The following RALYL variants were observed in gnomAD, a reference collection of about 807,000 sequenced individuals.
The protein encoded by RALYL is RALY RNA binding protein like.
Under a neutral mutation model 35.1 loss-of-function variants are expected in RALYL, and 29 were observed. The ratio of observed to expected loss-of-function variants is 0.83; its 90% CI spans 0.61 to 1.13. The LOEUF (loss-of-function observed/expected upper bound fraction) is 1.13. RALYL is among the 50% of genes most tolerant of loss of function. The pLI, the probability that RALYL is intolerant of heterozygous loss-of-function variation, is 0.00. For missense variants in RALYL, 359 were observed against 360.4 expected (o/e 1.00, Z 0.03); for synonymous variants, 120 against 127.6 (o/e 0.94, Z 0.40).
intron 2 of RALYL, 70 bp from the exon 3 acceptor site, chr8:84,774,509 G>A: frequency 1.0e-6 from 1 of 991,044 alleles, no homozygotes; most frequent in South Asian, 1.5e-5. Flanking sequence ...AAAAATAAAA[G>A]TTCATGATTT....
intron 5 of RALYL, among the ~76,000 whole-genome samples, chr8:84,859,477 A>G (rs148649651): frequency 2.8e-4 from 42 of 152,222 alleles, no homozygotes; most frequent in African/African-American, 8.9e-4. Context: ...TATCACATTA[A>G]AATATTTAAG....
At chr8:84,876,059 T>C (rs555078375) in intron 7 of RALYL, among the ~76,000 whole-genome samples, 1 of 152,270 alleles carries the variant, frequency 6.6e-6, no homozygotes, top group African/African-American at 2.4e-5. Context: ...TCCTAAGCTC[T>C]CAGTACATTA....
rs551513582 is a variant in RALYL, at chr8:84,431,441, G to A, written c.-23-97858G>A. On this transcript the variant is annotated intron_variant, in intron 1 of 8. Coordinates refer to ENST00000521268, the MANE Select transcript of RALYL (RefSeq NM_173848.7). ...GGAAACGCAAATGAAACTACAGCGA[G>A]TTATCACCCCACACTTGTTAGGATG... Among the ~76,000 whole-genome samples, 7 of 152,150 alleles carry A rather than the reference G, an allele frequency of 4.6e-5. No homozygotes were observed. In the East Asian group the frequency reaches 1.4e-3, roughly 29 times the overall value.
Position 84,564,193 on chromosome 8 carries a change from T to C in RALYL, c.256+34616T>C, listed in dbSNP as rs532715855. On this transcript the variant is annotated intron_variant, in intron 2 of 8. Transcript: ENST00000521268. ...AATATAAGTTAGCTCTGCCTTTCTT[T>C]ATCATCTCTTGACATAAGTTTCCTC... 4.6e-5 allele frequency among the ~76,000 whole-genome samples: 7 copies of C among 151,870 alleles called. No individual in the cohort carries two copies. The South Asian group carries it at 1.4e-3, about 31-fold the overall frequency.
chr8:84,589,736 C>G (rs1426594175), intron 2 of RALYL, among the ~76,000 whole-genome samples: 1 of 152,166 alleles, frequency 6.6e-6, no homozygotes. Flanking sequence ...TAAATTAACT[C>G]TCTGTGTCAC....
chr8:84,190,432 A>G (rs1293085512), intron 1 of RALYL, among the ~76,000 whole-genome samples: 1 of 152,238 alleles, frequency 6.6e-6, no homozygotes, highest in Non-Finnish European at 1.5e-5. Context: ...AATACTTTCA[A>G]TGCAGAATGG....
intron 2 of RALYL, among the ~76,000 whole-genome samples, chr8:84,691,217 A>G (rs10958224): frequency 0.052 from 7,954 of 151,990 alleles, 466 homozygotes; most frequent in African/African-American, 0.14. Flanking sequence ...TCTAGAAATG[A>G]TAAATGGGCT....
chr8:84,913,040 G>GTAGGTAGGTAGGTAGGTAGA (rs372305617), intron 8 of RALYL, among the ~76,000 whole-genome samples: 1 of 130,060 alleles, frequency 7.7e-6, no homozygotes, highest in Non-Finnish European at 1.6e-5. Context: ...GGATAGGTAG[G>GTAGGTAGGTAGGTAGGTAGA]TAGATAGATA....
chr8:84,876,187 C>G (rs1410741538), intron 7 of RALYL, among the ~76,000 whole-genome samples: 2 of 152,192 alleles, frequency 1.3e-5, no homozygotes, highest in African/African-American at 4.8e-5. Context: ...CTCTACCCAA[C>G]ACCAGGTATT....
chr8:84,813,093 C>A (rs1478916068), intron 4 of RALYL, among the ~76,000 whole-genome samples: 1 of 152,230 alleles, frequency 6.6e-6, no homozygotes, highest in East Asian at 1.9e-4. Context: ...GCTTTTCCCA[C>A]TGCTTCCTCT....
At chr8:84,378,059 G>A (rs1368669968) in intron 1 of RALYL, among the ~76,000 whole-genome samples, 2 of 151,900 alleles carry the variant, frequency 1.3e-5, no homozygotes, top group Non-Finnish European at 2.9e-5. Flanking sequence ...GCTCTTCAAT[G>A]TTTCCTTGGA....
At chr8:84,802,694 A>G (rs927723216) in intron 3 of RALYL, among the ~76,000 whole-genome samples, 3 of 152,192 alleles carry the variant, frequency 2.0e-5, no homozygotes, top group African/African-American at 7.2e-5. Context: ...GGGAAAATCA[A>G]AAGTGGTGGG....
intron 1 of RALYL, among the ~76,000 whole-genome samples, chr8:84,420,061 A>C (rs1359473840): frequency 6.6e-6 from 1 of 151,560 alleles, no homozygotes; most frequent in Non-Finnish European, 1.5e-5. Flanking sequence ...GTATATACCC[A>C]GTAATGGGAT....
intron 2 of RALYL, among the ~76,000 whole-genome samples, chr8:84,668,282 G>T (rs1350423771): frequency 6.6e-6 from 1 of 152,120 alleles, no homozygotes. Flanking sequence ...GAATGCTATT[G>T]TTGGAGCCCA....
chr8:84,184,977 A>ACTCCTGCTC, intron 1 of RALYL: 1 of 1,613,490 alleles, frequency 6.2e-7, no homozygotes, highest in Non-Finnish European at 8.5e-7. Context: ...CGCACGCTCA[A>ACTCCTGCTC]CTCCTGCTCC....
At chr8:84,702,802 A>C (rs1201300127) in intron 2 of RALYL, among the ~76,000 whole-genome samples, 1 of 152,190 alleles carries the variant, frequency 6.6e-6, no homozygotes, top group African/African-American at 2.4e-5. Context: ...TTTAATGAGA[A>C]TTAATTTATC....
intron 1 of RALYL, among the ~76,000 whole-genome samples, chr8:84,489,578 A>C (rs1564021413): frequency 6.6e-6 from 1 of 152,172 alleles, no homozygotes; most frequent in East Asian, 1.9e-4. Flanking sequence ...GGCAAGCTGA[A>C]AAGGAATTAC....
In RALYL at chr8:84,911,457, A is replaced by C. The variant is rs1847501282; in HGVS notation, c.859-9437A>C. ...CTATTGATAGAGCATAGAGATAAGAAGATTTGGTGAAAAATATACTGATAT... is the reference window on the plus strand; with the variant it reads ...CTATTGATAGAGCATAGAGATAAGACGATTTGGTGAAAAATATACTGATAT... On this transcript the variant is annotated intron_variant, in intron 8 of 8. Transcript: ENST00000521268. 2.0e-5 allele frequency among the ~76,000 whole-genome samples: 3 copies of C among 152,190 alleles called. No homozygotes were observed. The South Asian group carries it at 6.2e-4, about 31-fold the overall frequency.
chr8:84,661,130 G>T (rs865934674), intron 2 of RALYL, among the ~76,000 whole-genome samples: 19 of 151,670 alleles, frequency 1.3e-4, no homozygotes, highest in African/African-American at 4.6e-4. Flanking sequence ...GGGTTTCACC[G>T]TGTTAGCCAG....
Sources: allele counts gnomAD v4.1 joint callset (sites outside exome capture counted in the v4.1 genomes callset), GRCh38; gene constraint gnomAD v4.1.1; transcripts MANE v1.5; gene names NCBI Gene and HGNC (gene_info 2026-07-23, HGNC 2026-07-21).